The following ZSCAN5A variants were observed in gnomAD, a reference collection of about 807,000 sequenced individuals.
The protein encoded by ZSCAN5A is zinc finger and SCAN domain-containing protein 5A.
A neutral mutation model predicts 23.7 loss-of-function variants in ZSCAN5A; 12 were observed. The ratio of observed to expected loss-of-function variants is 0.51; its 90% CI spans 0.32 to 0.82. The LOEUF (loss-of-function observed/expected upper bound fraction) is 0.82, where lower values mean the gene tolerates loss of function less well. Ranked by LOEUF, ZSCAN5A falls within the 40% of genes least tolerant of loss-of-function variation. ZSCAN5A has a pLI of 0.03. For synonymous variants in ZSCAN5A, 257 were observed against 239.9 expected, an observed-to-expected ratio of 1.07 and a Z score of -0.66; for missense variants, 597 against 617.9, an observed-to-expected ratio of 0.97 and a Z score of 0.36.
At chr19:56,233,553 C>T (rs1038015751) in intron 2 of ZSCAN5A, among the ~76,000 whole-genome samples, 2 of 151,452 alleles carry the variant, frequency 1.3e-5, no homozygotes, top group African/African-American at 4.9e-5. Flanking sequence ...AGTTCTTGTA[C>T]CAAACCAACT....
intron 2 of ZSCAN5A, among the ~76,000 whole-genome samples, chr19:56,260,455 C>T (rs910345525): frequency 1.3e-5 from 2 of 152,118 alleles, no homozygotes; most frequent in African/African-American, 4.8e-5. Flanking sequence ...CTCAGGTGAT[C>T]CGCCCGCCTC....
At chr19:56,245,694 G>T (rs991088934) in intron 2 of ZSCAN5A, among the ~76,000 whole-genome samples, 4 of 152,220 alleles carry the variant, frequency 2.6e-5, no homozygotes, top group Non-Finnish European at 5.9e-5. Flanking sequence ...ACCGATGAAT[G>T]AACTGAAGGT....
intron 2 of ZSCAN5A, chr19:56,295,200 T>A (rs2039785162): frequency 6.6e-6 from 1 of 152,180 alleles, no homozygotes; most frequent in African/African-American, 2.4e-5. Context: ...AGTCAAGTTG[T>A]TATTAAAAAA....
chr19:56,308,087 G>A (rs546617173), intron 2 of ZSCAN5A, among the ~76,000 whole-genome samples: 20 of 152,256 alleles, frequency 1.3e-4, no homozygotes, highest in East Asian at 3.9e-4. Context: ...AGGCTGGAGC[G>A]CAGTGGCGCA....
chr19:56,292,955 C>A (rs1264829455), intron 2 of ZSCAN5A, among the ~76,000 whole-genome samples: 1 of 152,176 alleles, frequency 6.6e-6, no homozygotes, highest in Non-Finnish European at 1.5e-5. Context: ...ATTTTTTAAT[C>A]CAATCATCCA....
rs373715695 is a variant in ZSCAN5A at position 56,221,938 on chromosome 19, T to C, written c.1128A>G (p.Arg376=). 13 of 1,613,988 alleles carry C rather than the reference T, an allele frequency of 8.1e-6. No homozygotes were observed. The highest frequency in any genetic ancestry group is 1.6e-4 in the Middle Eastern group (1 of 6,084). The change falls in exon 6 of 6, where the codon AGA becomes AGG. Residue 376 remains arginine (R), a synonymous_variant. Transcript: ENST00000683990. ...GAAAGAGTCTCTCGCCTGTGTGTGA[T>C]CTCTTGTGGATGACTAGCTTGGAAT... ...TCNSKLVIHK[R]SHTGERLFQC...
At chr19:56,248,218 C>G (rs1239273011) in intron 2 of ZSCAN5A, among the ~76,000 whole-genome samples, 2 of 152,048 alleles carry the variant, frequency 1.3e-5, no homozygotes, top group Non-Finnish European at 2.9e-5. Context: ...AACTCAGCTT[C>G]TATTGGGTAT....
chr19:56,249,156 A>C (rs932768004), intron 2 of ZSCAN5A, among the ~76,000 whole-genome samples: 1 of 152,198 alleles, frequency 6.6e-6, no homozygotes, highest in Non-Finnish European at 1.5e-5. Flanking sequence ...AGTTGGTCTT[A>C]GTGATAGTAC....
In ZSCAN5A at chr19:56,357,429, A is replaced by T. The variant is rs372015944; in HGVS notation, c.-358+5806T>A. On this transcript the variant is annotated intron_variant, in intron 2 of 6. Coordinates refer to the ZSCAN5A transcript ENST00000587340. The stretch of plus-strand genomic sequence containing the variant: ...ACATGCATACAATGTATACCAATAA[A>T]CCAGGGCAACTGGGACTCCCTCACC... 5.3e-4 allele frequency among the ~76,000 whole-genome samples: 78 copies of T among 147,988 alleles called. 15 individuals are homozygous for T. The highest frequency in any genetic ancestry group is 2.0e-3 in the African/African-American group (78 of 39,162).
chr19:56,343,452 T>TGGGCTACCAA (rs929475772), intron 2 of ZSCAN5A: 104 of 484,014 alleles, frequency 2.1e-4, no homozygotes, highest in African/African-American at 1.7e-3. Flanking sequence ...AGTTTCTTCC[T>TGGGCTACCAA]GGGCTACCAA....
chr19:56,248,922 G>T (rs529295469), intron 2 of ZSCAN5A, among the ~76,000 whole-genome samples: 1 of 152,214 alleles, frequency 6.6e-6, no homozygotes, highest in Non-Finnish European at 1.5e-5. Flanking sequence ...GTTCATTAGG[G>T]CTCGCTCTGG....
intron 2 of ZSCAN5A, among the ~76,000 whole-genome samples, chr19:56,268,184 C>T (rs1455087622): frequency 2.0e-5 from 3 of 152,170 alleles, no homozygotes; most frequent in Non-Finnish European, 2.9e-5. Flanking sequence ...TATTCTAGGA[C>T]CTAGTCAGTG....
intron 2 of ZSCAN5A, among the ~76,000 whole-genome samples, chr19:56,237,784 G>A (rs2035047678): frequency 6.6e-6 from 1 of 151,940 alleles, no homozygotes; most frequent in African/African-American, 2.4e-5. Flanking sequence ...GCCGGGCATG[G>A]GTGGCGCCTG....
intron 2 of ZSCAN5A, among the ~76,000 whole-genome samples, chr19:56,233,877 C>T (rs2034669160): frequency 6.6e-6 from 1 of 152,162 alleles, no homozygotes; most frequent in Admixed American, 6.5e-5. Flanking sequence ...AACATTCAGT[C>T]ATGGGGTTGC....
intron 1 of ZSCAN5A, chr19:56,365,070 C>G (rs1568769405): frequency 1.3e-5 from 2 of 152,352 alleles, no homozygotes; most frequent in South Asian, 2.1e-4. Flanking sequence ...GGAAACAGAA[C>G]AGACACATCA....
chr19:56,232,453 G>T (rs1469119515), intron 2 of ZSCAN5A, among the ~76,000 whole-genome samples: 1 of 151,804 alleles, frequency 6.6e-6, no homozygotes, highest in African/African-American at 2.4e-5. Context: ...TGGGCCCTTT[G>T]GATATGAGTT....
At chr19:56,322,995 C>T (rs963741289) in intron 2 of ZSCAN5A, among the ~76,000 whole-genome samples, 16 of 149,710 alleles carry the variant, frequency 1.1e-4, no homozygotes, top group African/African-American at 3.7e-4. Context: ...CCCGGGTTCA[C>T]GCCATTCTCC....
chr19:56,323,232 G>A (rs1251138763), intron 2 of ZSCAN5A, among the ~76,000 whole-genome samples: 1 of 151,984 alleles, frequency 6.6e-6, no homozygotes, highest in Non-Finnish European at 1.5e-5. Flanking sequence ...CCGGCTTCTT[G>A]CTCTGTCACT....
At chr19:56,235,081 C>T (rs113923817) in intron 2 of ZSCAN5A, among the ~76,000 whole-genome samples, 1 of 129,694 alleles carries the variant, frequency 7.7e-6, no homozygotes, top group Non-Finnish European at 1.7e-5. Context: ...CAAGCCTCCA[C>T]TCCAACCTCT....
Sources: gnomAD v4.1 joint callset for allele counts (sites outside exome capture counted in the v4.1 genomes callset) on GRCh38, gnomAD v4.1.1 for gene constraint, MANE v1.5 for transcripts, NCBI Gene and HGNC (gene_info 2026-07-23, HGNC 2026-07-21) for gene names.